DNM2: variants seen among roughly 807,000 people sequenced by gnomAD.
DNM2 encodes dynamin-2.
DNM2 carries 15 observed loss-of-function variants against 99.0 expected under a neutral mutation model. The observed-to-expected ratio is 0.15, with a 90% confidence interval of 0.10 to 0.23. The LOEUF is 0.23. DNM2 is among the 10% of genes least tolerant of loss of function. DNM2 has a pLI of 1.00. For synonymous variants in DNM2, 525 were observed against 481.2 expected (o/e 1.09, Z -1.19); for missense variants, 742 against 1,189.4 (o/e 0.62, Z 5.53).
chr19:10,782,838 A>ATG, intron 5 of DNM2, 122 bp from the exon 6 acceptor site: 1 of 1,351,910 alleles, frequency 7.4e-7, no homozygotes, highest in Non-Finnish European at 1.1e-6. Flanking sequence ...GTAACATGTT[A>ATG]TGACAGCTGT....
Position 10,818,056 on chromosome 19 carries a change from C to T in DNM2, c.1672-1924C>T, listed in dbSNP as rs921691340. Among the ~76,000 whole-genome samples the T allele has an allele frequency of 6.6e-6, 1 of 152,074 alleles. No individual in the cohort carries two copies. The highest frequency in any genetic ancestry group is 6.5e-5 in the Admixed American group (1 of 15,280). Reference sequence around the variant, plus strand: ...CTTCTGCAGAGCCCCCTCCCCTAGCCCCTTCTAAAGCCCCCAAAACTCTTC... The same window carrying T: ...CTTCTGCAGAGCCCCCTCCCCTAGCTCCTTCTAAAGCCCCCAAAACTCTTC... On this transcript the variant is annotated intron_variant, in intron 15 of 20. Coordinates refer to ENST00000389253, the MANE Select transcript of DNM2 (RefSeq NM_001005361.3). The surrounding 1 kb of genome is among the most constrained non-coding windows in gnomAD (Gnocchi z 4.3).
intron 16 of DNM2, among the ~76,000 whole-genome samples, chr19:10,821,235 C>G (rs1397206907): frequency 6.6e-6 from 1 of 152,188 alleles, no homozygotes; most frequent in Non-Finnish European, 1.5e-5. Context: ...AGGCTTGCCC[C>G]TGGCCATATG....
chr19:10,793,888 C>T (rs1181456178), intron 8 of DNM2, 33 bp downstream of exon 8: 3 of 1,613,994 alleles, frequency 1.9e-6, no homozygotes, highest in East Asian at 2.2e-5. Flanking sequence ...CCTCCCGTCT[C>T]TGGTCAGGCA....
chr19:10,782,513 C>G (rs1237707191), intron 5 of DNM2, among the ~76,000 whole-genome samples: 1 of 152,104 alleles, frequency 6.6e-6, no homozygotes, highest in Admixed American at 6.6e-5. Context: ...CACGCGCCAC[C>G]ATGCACGGCT....
intron 1 of DNM2, among the ~76,000 whole-genome samples, chr19:10,728,147 T>C (rs909225608): frequency 5.9e-5 from 9 of 152,194 alleles, no homozygotes; most frequent in African/African-American, 2.2e-4. Flanking sequence ...GGGAGCTGGA[T>C]GACTGTTTCA....
At chr19:10,754,599 C>T (rs768823019) in intron 1 of DNM2, among the ~76,000 whole-genome samples, 40 of 146,872 alleles carry the variant, frequency 2.7e-4, no homozygotes, top group Non-Finnish European at 5.1e-4. Flanking sequence ...TCTTCTTCTT[C>T]TTCTTTTTTG....
intron 10 of DNM2, 87 bp from the exon 11 acceptor site, chr19:10,798,399 C>A (rs534366282): frequency 3.0e-6 from 3 of 993,608 alleles, no homozygotes; most frequent in Non-Finnish European, 3.2e-6. Flanking sequence ...TTCCCCACCC[C>A]CCTCCGCATT....
intron 17 of DNM2, chr19:10,824,852 G>C: frequency 1.4e-6 from 1 of 704,448 alleles, no homozygotes; most frequent in East Asian, 2.6e-5. Flanking sequence ...CCCAGGTGAG[G>C]GGATCCACCC....
intron 1 of DNM2, among the ~76,000 whole-genome samples, chr19:10,738,885 A>AG: frequency 6.8e-6 from 1 of 146,378 alleles, no homozygotes; most frequent in East Asian, 2.1e-4. Context: ...AAAAAAAAAA[A>AG]AGGCTGGGCT....
chr19:10,784,590 T>G (rs2071489337), intron 6 of DNM2, among the ~76,000 whole-genome samples: 1 of 152,100 alleles, frequency 6.6e-6, no homozygotes, highest in East Asian at 1.9e-4. Context: ...TGCTCATGAC[T>G]TAAGTGCCCT....
Position 10,817,574 on chromosome 19 carries a change from G to A in DNM2, c.1672-2406G>A. ...GGCCAGGCCGTGCCTCAGCACCTCT[G>A]AGCAGCCAAGGAAACCACCACTCTT... On this transcript the variant is annotated intron_variant, in intron 15 of 20. Coordinates refer to ENST00000389253, the MANE Select transcript of DNM2 (RefSeq NM_001005361.3). The surrounding 1 kb of genome is among the most constrained non-coding windows in gnomAD (Gnocchi z 4.6). 3 of 382,118 alleles carry A rather than the reference G, an allele frequency of 7.9e-6. No individual in the cohort carries two copies. The highest frequency in any genetic ancestry group is 3.7e-5 in the Admixed American group (1 of 26,800). The allele number at this position is 382,118 out of a possible 1,614,324, so 23.7% of individuals were successfully genotyped here. A position where few individuals can be genotyped will look rare whatever the true frequency, so the allele number is the denominator to read the frequency against.
intron 2 of DNM2, among the ~76,000 whole-genome samples, chr19:10,770,291 G>C (rs1053986562): frequency 6.6e-6 from 1 of 152,170 alleles, no homozygotes; most frequent in Non-Finnish European, 1.5e-5. Flanking sequence ...CCTGGTGGAC[G>C]TTGAGGCCAT....
At position 10,775,554 on chromosome 19, in the gene DNM2, T is replaced by C. The variant is rs1348777770; in HGVS notation, c.386-149T>C. ...GGATCCTAGAAGGGGAGTTACTGGA[T>C]CAAAGGTGTGGTTCAGGCAGAGTGT... On this transcript the variant is annotated intron_variant, in intron 3 of 20. Transcript: ENST00000389253. This position sits in a 1 kb window ranked among gnomAD's most constrained non-coding sequence, Gnocchi z 4.3. 2.3e-6 allele frequency: 2 copies of C among 856,400 alleles called. No individual in the cohort carries two copies. The highest frequency in any genetic ancestry group is 2.0e-6 in the Non-Finnish European group (1 of 501,216). The allele number at this position is 856,400 out of a possible 1,614,324, so 53.1% of individuals were successfully genotyped here. A position where few individuals can be genotyped will look rare whatever the true frequency, so the allele number is the denominator to read the frequency against.
intron 1 of DNM2, among the ~76,000 whole-genome samples, chr19:10,723,322 G>C (rs1016476232): frequency 6.6e-6 from 1 of 151,982 alleles, no homozygotes; most frequent in Non-Finnish European, 1.5e-5. Context: ...TAGTAGAGGC[G>C]GGGTTTTCCC....
chr19:10,759,513 AG>A, intron 1 of DNM2: 1 of 599,256 alleles, frequency 1.7e-6, no homozygotes. Context: ...AGCCTGCCAG[AG>A]GGAAATGGTT....
chr19:10,831,318 A>G lies in DNM2; in HGVS notation c.*271A>G. The stretch of plus-strand genomic sequence containing the variant: ...TCAGGGTGGCAGAGGGGGGACCAGA[A>G]CCCTTGACACCATCCTGAATGAGGG... On this transcript the variant is annotated 3_prime_UTR_variant, in exon 21 of 21. Transcript: ENST00000389253. The surrounding 1 kb of genome is among the most constrained non-coding windows in gnomAD (Gnocchi z 4.3). The G allele has an allele frequency of 8.1e-7, 1 of 1,232,482 alleles. No homozygotes were observed. The highest frequency in any genetic ancestry group is 2.7e-5 in the South Asian group (1 of 36,378). 76.3% of individuals were successfully genotyped at this position (1,232,482 alleles called of 1,614,324 possible).
At chr19:10,793,937 A>G (rs2071839591) in intron 8 of DNM2, 82 bp downstream of exon 8, 2 of 1,609,546 alleles carry the variant, frequency 1.2e-6, no homozygotes, top group Non-Finnish European at 1.7e-6. Flanking sequence ...CTCCCAGGCA[A>G]TAAGGTCTCA....
intron 2 of DNM2, among the ~76,000 whole-genome samples, chr19:10,761,820 G>A (rs1448757106): frequency 6.6e-6 from 1 of 152,124 alleles, no homozygotes; most frequent in African/African-American, 2.4e-5. Flanking sequence ...CGTGTCTCCA[G>A]TGAGAGACAG....
intron 8 of DNM2, among the ~76,000 whole-genome samples, chr19:10,794,174 A>T (rs1462289019): frequency 6.6e-6 from 1 of 152,226 alleles, no homozygotes; most frequent in Non-Finnish European, 1.5e-5. Context: ...TTGAAGAAGG[A>T]AAAAATAGGC....
Sources: allele counts gnomAD v4.1 joint callset (sites outside exome capture counted in the v4.1 genomes callset), GRCh38; gene constraint gnomAD v4.1.1; non-coding constraint Gnocchi (gnomAD v3.1); transcripts MANE v1.5; gene names NCBI Gene and HGNC (gene_info 2026-07-23, HGNC 2026-07-21).